Variants in PRKACB observed in about 807,000 individuals in gnomAD.
PRKACB encodes the protein cAMP-dependent protein kinase catalytic subunit beta.
A neutral mutation model predicts 51.4 loss-of-function variants in PRKACB; 16 were observed. The ratio of observed to expected loss-of-function variants is 0.31; its 90% CI spans 0.21 to 0.47. The LOEUF is 0.47. Ranked by LOEUF, PRKACB falls within the 20% of genes least tolerant of loss-of-function variation. The probability of loss-of-function intolerance (pLI) is 1.00; values close to 1 mark genes in which losing one functional copy is unlikely to be tolerated. For synonymous variants in PRKACB, 147 were observed against 154.4 expected, an observed-to-expected ratio of 0.95 and a Z score of 0.35; for missense variants, 309 against 464.5, an observed-to-expected ratio of 0.67 and a Z score of 3.08.
intron 1 of PRKACB, among the ~76,000 whole-genome samples, chr1:84,154,512 C>T (rs2100659739): frequency 6.6e-6 from 1 of 152,246 alleles, no homozygotes; most frequent in Middle Eastern, 3.4e-3. Context: ...GCCAGTCCTT[C>T]TCAAACTCTC....
intron 1 of PRKACB, among the ~76,000 whole-genome samples, chr1:84,090,284 A>C (rs1648353789): frequency 6.6e-6 from 1 of 152,180 alleles, no homozygotes; most frequent in South Asian, 2.1e-4. Flanking sequence ...GAACCCCTTT[A>C]ACTTCTTCCT....
At chr1:84,100,947 G>A (rs374132531) in intron 1 of PRKACB, among the ~76,000 whole-genome samples, 180 of 152,216 alleles carry the variant, frequency 1.2e-3, no homozygotes, top group African/African-American at 3.9e-3. Flanking sequence ...GTTGTTAACC[G>A]TGCCATATTG....
At chr1:84,188,826 T>G (rs753384804) in intron 5 of PRKACB, among the ~76,000 whole-genome samples, 2 of 151,964 alleles carry the variant, frequency 1.3e-5, no homozygotes, top group African/African-American at 2.4e-5. Context: ...GATTTGATTT[T>G]TGGGAAGTTT....
At chr1:84,223,766 A>G (rs1332376170) in intron 9 of PRKACB, among the ~76,000 whole-genome samples, 1 of 152,120 alleles carries the variant, frequency 6.6e-6, no homozygotes, top group Non-Finnish European at 1.5e-5. Context: ...GTGTTCTCTT[A>G]TATCTCACTG....
At position 84,144,445 on chromosome 1, in the gene PRKACB, G is replaced by T. The variant is rs374156039; in HGVS notation, c.84G>T (p.Arg28=). The change falls in exon 1 of 10, where the codon CGG becomes CGT. Residue 28 remains arginine, a synonymous_variant. Transcript: ENST00000370685. ...ALQKLEGFAS[R]LFHRHSKGTA... is the part of the protein sequence containing the mutation. ...AGAAATTGGAAGGTTTTGCTAGCCG[G>T]TTATTTCATAGACACTCTAAAGGTA... 6.2e-7 allele frequency: 1 copy of T among 1,613,118 alleles called. No homozygotes were observed. Among genetic ancestry groups the T allele is most frequent in the South Asian group, 1.1e-5 (1 of 91,006 alleles).
rs1343702863 is a variant in PRKACB, at chr1:84,086,129, G to T, written c.46+7758G>T. 1.3e-5 allele frequency: 21 copies of T among 1,582,730 alleles called. No individual in the cohort carries two copies. In the East Asian group the frequency reaches 4.0e-4, roughly 30 times the overall value. Reference sequence around the variant, plus strand: ...CGCCATTGAGTATGAGGTGTTGGTGGTGCCCACTGTGCTGGCCATGAAGAA... The same window carrying T: ...CGCCATTGAGTATGAGGTGTTGGTGTTGCCCACTGTGCTGGCCATGAAGAA... On this transcript the variant is annotated intron_variant, in intron 1 of 8. Transcript: ENST00000370688.
At chr1:84,131,677 A>G (rs1484839554) in intron 1 of PRKACB, among the ~76,000 whole-genome samples, 2 of 152,186 alleles carry the variant, frequency 1.3e-5, no homozygotes. Context: ...TGGAGAGAAA[A>G]GCAAATCCAG....
intron 1 of PRKACB, among the ~76,000 whole-genome samples, chr1:84,120,279 T>C (rs1011304515): frequency 2.0e-5 from 3 of 152,152 alleles, no homozygotes; most frequent in Non-Finnish European, 2.9e-5. Context: ...GGGTAACTTA[T>C]CATACTATAG....
intron 9 of PRKACB, among the ~76,000 whole-genome samples, chr1:84,215,078 A>G (rs1672699172): frequency 6.6e-6 from 1 of 152,198 alleles, no homozygotes; most frequent in African/African-American, 2.4e-5. Flanking sequence ...CTTGTGGCAT[A>G]TTGGTCTCTC....
intron 7 of PRKACB, among the ~76,000 whole-genome samples, chr1:84,202,208 A>G (rs1670324170): frequency 6.6e-6 from 1 of 152,072 alleles, no homozygotes; most frequent in Non-Finnish European, 1.5e-5. Context: ...AAAAATATAG[A>G]GTATTTTGAA....
intron 1 of PRKACB, among the ~76,000 whole-genome samples, chr1:84,136,142 A>G (rs921254226): frequency 2.8e-4 from 42 of 152,212 alleles, no homozygotes; most frequent in Admixed American, 2.0e-3. Context: ...AAATTTGATA[A>G]ATGAAATGGA....
In PRKACB at chr1:84,202,825, A is replaced by G. The variant is rs1435895043; in HGVS notation, c.906+20A>G. ...GGAAAGGTAAGTAAAACATTTTATTATTCCTCTCTTATTACTGTATATGAA... is the reference window on the plus strand; with the variant it reads ...GGAAAGGTAAGTAAAACATTTTATTGTTCCTCTCTTATTACTGTATATGAA... On this transcript the variant is annotated intron_variant, in intron 8 of 9. Coordinates refer to ENST00000370685, the MANE Select transcript of PRKACB (RefSeq NM_182948.4). The G allele has an allele frequency of 6.4e-7, 1 of 1,563,500 alleles. No individual in the cohort carries two copies. The highest frequency in any genetic ancestry group is 1.4e-5 in the African/African-American group (1 of 73,574).
At chr1:84,166,160 T>G (rs914543434) in intron 1 of PRKACB, among the ~76,000 whole-genome samples, 2 of 151,742 alleles carry the variant, frequency 1.3e-5, no homozygotes, top group African/African-American at 2.4e-5. Context: ...TACTAAGAAT[T>G]AACTGGATTG....
chr1:84,102,188 G>A (rs1011058273), intron 1 of PRKACB, among the ~76,000 whole-genome samples: 5 of 151,166 alleles, frequency 3.3e-5, no homozygotes, highest in African/African-American at 1.2e-4. Flanking sequence ...GGCCAATGTG[G>A]TGAAACCCCA....
At chr1:84,144,132 A>G, upstream of PRKACB, 7 of 687,766 alleles carry the variant, frequency 1.0e-5, no homozygotes, top group Non-Finnish European at 1.5e-5. Flanking sequence ...CCTTTTAGGC[A>G]GATATTGCAA....
chr1:84,139,816 T>C (rs1653210826), upstream of PRKACB, among the ~76,000 whole-genome samples: 1 of 152,174 alleles, frequency 6.6e-6, no homozygotes. Flanking sequence ...CCCAACACTT[T>C]GGGAGGCTGA....
intron 8 of PRKACB, chr1:84,204,402 C>A: frequency 2.8e-6 from 3 of 1,063,620 alleles, no homozygotes; most frequent in South Asian, 2.7e-5. Context: ...AAACAAGTAT[C>A]AGTATCACTG....
chr1:84,129,230 T>A (rs1458370574), intron 1 of PRKACB, among the ~76,000 whole-genome samples: 1 of 152,184 alleles, frequency 6.6e-6, no homozygotes, highest in Non-Finnish European at 1.5e-5. Context: ...AATTATAAAC[T>A]TTTTTAGTTT....
chr1:84,161,883 C>T (rs1304169419), intron 1 of PRKACB, among the ~76,000 whole-genome samples: 2 of 151,726 alleles, frequency 1.3e-5, no homozygotes, highest in Admixed American at 6.6e-5. Flanking sequence ...ATTTATATAG[C>T]CTTTTATTTA....
Sources: allele counts gnomAD v4.1 joint callset (sites outside exome capture counted in the v4.1 genomes callset), GRCh38; gene constraint gnomAD v4.1.1; transcripts MANE v1.5; gene names NCBI Gene and HGNC (gene_info 2026-07-23, HGNC 2026-07-21).